The following EIF4G3 variants were observed in gnomAD, a reference collection of about 807,000 sequenced individuals.
EIF4G3 encodes eukaryotic translation initiation factor 4 gamma 3, also known as eIF-4-gamma 3.
EIF4G3 carries 34 observed loss-of-function variants against 186.4 expected under a neutral mutation model. The ratio of observed to expected loss-of-function variants is 0.18; its 90% CI spans 0.14 to 0.24. The LOEUF (loss-of-function observed/expected upper bound fraction) is 0.24, where lower values mean the gene tolerates loss of function less well. Ranked by LOEUF, EIF4G3 falls within the 10% of genes least tolerant of loss-of-function variation. EIF4G3 has a pLI of 1.00. For missense variants in EIF4G3, 1,536 were observed against 1,948.5 expected (o/e 0.79, Z 3.99); for synonymous variants, 673 against 679.5 (o/e 0.99, Z 0.15).
chr1:20,854,918 C>A, intron 26 of EIF4G3, 60 bp downstream of exon 26: 2 of 1,383,492 alleles, frequency 1.4e-6, no homozygotes, highest in South Asian at 2.4e-5. Context: ...TATGGGAATG[C>A]GCTGTAAGGC....
intron 14 of EIF4G3, chr1:20,929,383 C>G (rs895804519): frequency 6.6e-6 from 1 of 152,170 alleles, no homozygotes; most frequent in East Asian, 1.9e-4. Context: ...GGTACAAAAA[C>G]TTTTAATCAA....
intron 30 of EIF4G3, among the ~76,000 whole-genome samples, chr1:20,835,476 A>T (rs1017873247): frequency 9.2e-5 from 14 of 152,300 alleles, no homozygotes; most frequent in Middle Eastern, 3.4e-3. Flanking sequence ...AAAATCAAGA[A>T]ACCCTTATCT....
chr1:20,915,453 C>A (rs1345615850), intron 14 of EIF4G3, among the ~76,000 whole-genome samples: 1 of 151,002 alleles, frequency 6.6e-6, no homozygotes, highest in Non-Finnish European at 1.5e-5. Context: ...AAATACAAAC[C>A]CTCCGCCCCC....
intron 29 of EIF4G3, among the ~76,000 whole-genome samples, chr1:20,841,470 A>T (rs1041819706): frequency 6.6e-6 from 1 of 152,200 alleles, no homozygotes; most frequent in Non-Finnish European, 1.5e-5. Context: ...GTATATTATG[A>T]AATAGAAATT....
chr1:21,044,956 A>G (rs2093796826), intron 4 of EIF4G3, among the ~76,000 whole-genome samples: 2 of 152,126 alleles, frequency 1.3e-5, no homozygotes, highest in African/African-American at 4.8e-5. Flanking sequence ...GCAACAAAGC[A>G]AGTCCCATCT....
intron 24 of EIF4G3, among the ~76,000 whole-genome samples, chr1:20,858,521 C>T (rs2075592087): frequency 6.6e-6 from 1 of 152,176 alleles, no homozygotes; most frequent in Admixed American, 6.5e-5. Flanking sequence ...ACCCTACTCA[C>T]CAAGATTTGC....
At chr1:21,150,877 G>A (rs1431468229) in intron 2 of EIF4G3, among the ~76,000 whole-genome samples, 3 of 152,220 alleles carry the variant, frequency 2.0e-5, no homozygotes, top group Non-Finnish European at 4.4e-5. Flanking sequence ...TCGGGAGGCT[G>A]AGGCAGAAGA....
chr1:20,903,407 A>G (rs1351480288), intron 15 of EIF4G3, among the ~76,000 whole-genome samples: 2 of 152,220 alleles, frequency 1.3e-5, no homozygotes, highest in Non-Finnish European at 2.9e-5. Flanking sequence ...GAAATCCAAC[A>G]TGAAGTATAA....
intron 29 of EIF4G3, among the ~76,000 whole-genome samples, chr1:20,845,844 T>C (rs1409784883): frequency 3.3e-5 from 5 of 152,158 alleles, no homozygotes; most frequent in African/African-American, 1.2e-4. Flanking sequence ...TTGTAGAATG[T>C]CAGTGGGAGT....
At chr1:20,895,314 G>T in intron 17 of EIF4G3, 54 bp downstream of exon 17, 1 of 1,570,240 alleles carries the variant, frequency 6.4e-7, no homozygotes, top group Non-Finnish European at 8.7e-7. Flanking sequence ...TGCTCTTATA[G>T]TTAAAATCAG....
chr1:21,007,529 A>C (rs865969528), intron 4 of EIF4G3, among the ~76,000 whole-genome samples: 2 of 136,356 alleles, frequency 1.5e-5, no homozygotes, highest in African/African-American at 6.1e-5. Flanking sequence ...AAAAAAAAAA[A>C]AAAAAAAACA....
chr1:21,066,001 A>C (rs1571991797), intron 3 of EIF4G3, among the ~76,000 whole-genome samples: 1 of 152,140 alleles, frequency 6.6e-6, no homozygotes, highest in African/African-American at 2.4e-5. Flanking sequence ...ACATGGCAAA[A>C]CCCTGTCTCT....
At position 20,941,604 on chromosome 1, in the gene EIF4G3, C is replaced by G. The variant is rs1181158991; in HGVS notation, c.1550G>C (p.Cys517Ser). 1.9e-6 allele frequency: 3 copies of G among 1,614,088 alleles called. No individual in the cohort carries two copies. Among genetic ancestry groups the G allele is most frequent in the Middle Eastern group, 1.6e-4 (1 of 6,084 alleles). Residue 517 changes from cysteine (C) to serine (S), a missense_variant, in exon 14 of 37, where the codon TGC (cysteine) becomes TCC (serine). Around this residue, in one of 11 missense-constraint regions of EIF4G3, gnomAD observed 560 missense variants for 547.8 expected, o/e 1.02. Coordinates refer to ENST00000602326, the MANE Select transcript of EIF4G3 (RefSeq NM_001391906.1). ...VLEEDESIRT[C>S]LSEDAKEIQN... The stretch of plus-strand genomic sequence containing the variant: ...AATCTCTTTTGCATCTTCACTAAGG[C>G]AAGTTCTTATGCTCTCGTCCTCCTC...
intron 3 of EIF4G3, among the ~76,000 whole-genome samples, chr1:21,078,056 T>A (rs2095644456): frequency 6.6e-6 from 1 of 152,158 alleles, no homozygotes; most frequent in South Asian, 2.1e-4. Context: ...GCTGGGTACA[T>A]ATCCAAAAGA....
chr1:20,822,808 TTTCA>T (rs1266143188), intron 33 of EIF4G3, among the ~76,000 whole-genome samples: 2 of 152,162 alleles, frequency 1.3e-5, no homozygotes, highest in Non-Finnish European at 1.5e-5. Flanking sequence ...GTGGTTTTGT[TTTCA>T]TTCAGTTAAA....
At chr1:20,928,595 G>A (rs907866568) in intron 14 of EIF4G3, among the ~76,000 whole-genome samples, 3 of 152,028 alleles carry the variant, frequency 2.0e-5, no homozygotes, top group African/African-American at 7.3e-5. Context: ...GTAGAGACAG[G>A]TTTCACCATG....
At chr1:20,838,366 T>G (rs988042601) in intron 30 of EIF4G3, among the ~76,000 whole-genome samples, 1 of 152,190 alleles carries the variant, frequency 6.6e-6, no homozygotes, top group Non-Finnish European at 1.5e-5. Flanking sequence ...CTGAGGAATG[T>G]AGCATAATAT....
chr1:20,986,832 G>A (rs905495026), intron 7 of EIF4G3, among the ~76,000 whole-genome samples: 2 of 150,620 alleles, frequency 1.3e-5, no homozygotes, highest in Non-Finnish European at 3.0e-5. Flanking sequence ...AAAGAGCTAG[G>A]CACAGAAAAG....
At chr1:21,079,084 T>TA (rs1021121907) in intron 3 of EIF4G3, among the ~76,000 whole-genome samples, 9 of 152,312 alleles carry the variant, frequency 5.9e-5, no homozygotes, top group Admixed American at 3.3e-4. Flanking sequence ...CTAAAAAAAG[T>TA]ATAAATAAAT....
Sources: allele counts gnomAD v4.1 joint callset (sites outside exome capture counted in the v4.1 genomes callset), GRCh38; gene constraint gnomAD v4.1.1; regional missense constraint gnomAD v4.1.1; transcripts MANE v1.5; gene names NCBI Gene and HGNC (gene_info 2026-07-23, HGNC 2026-07-21).